The following CABLES1 variants were observed in gnomAD, a reference collection of about 807,000 sequenced individuals.
CABLES1 encodes the protein Cdk5 and Abl enzyme substrate 1, also known as CDK5 and ABL1 enzyme substrate 1.
In CABLES1, 36 loss-of-function variants were observed where a neutral mutation model predicts 57.8. The ratio of observed to expected loss-of-function variants is 0.62; its 90% CI spans 0.48 to 0.82. The LOEUF (loss-of-function observed/expected upper bound fraction) is 0.82, where lower values mean the gene tolerates loss of function less well. Ranked by LOEUF, CABLES1 falls within the 40% of genes least tolerant of loss-of-function variation. CABLES1 has a pLI of 0.00. For synonymous variants in CABLES1, 374 were observed against 363.0 expected, an observed-to-expected ratio of 1.03 and a Z score of -0.35; for missense variants, 767 against 836.6, an observed-to-expected ratio of 0.92 and a Z score of 1.03.
At chr18:23,174,749 G>A (rs1490232236) in intron 1 of CABLES1, among the ~76,000 whole-genome samples, 1 of 147,240 alleles carries the variant, frequency 6.8e-6, no homozygotes, top group Non-Finnish European at 1.5e-5. Flanking sequence ...TGGGATTACA[G>A]GTGTGAGCCC....
At chr18:23,173,226 C>G (rs2047096005) in intron 1 of CABLES1, among the ~76,000 whole-genome samples, 1 of 152,184 alleles carries the variant, frequency 6.6e-6, no homozygotes, top group Non-Finnish European at 1.5e-5. Context: ...CTGAGCGGGC[C>G]CTGCTCTGGG....
chr18:23,164,183 G>C (rs568872251), intron 1 of CABLES1, among the ~76,000 whole-genome samples: 1 of 152,282 alleles, frequency 6.6e-6, no homozygotes, highest in South Asian at 2.1e-4. Context: ...GTATCTAAAG[G>C]CTCTTTTATT....
Position 23,253,714 on chromosome 18 carries a change from C to A in CABLES1, c.1554-15C>A. ...GTTTTCACAAGACTGTTCCCTCTTGCCTGTCTTTCTCCAGTCTGAAACGAG... is the reference window on the plus strand; with the variant it reads ...GTTTTCACAAGACTGTTCCCTCTTGACTGTCTTTCTCCAGTCTGAAACGAG... On this transcript the variant is annotated splice_polypyrimidine_tract_variant and intron_variant, in intron 8 of 9. Transcript: ENST00000256925. The A allele has an allele frequency of 6.2e-7, 1 of 1,611,092 alleles. No homozygotes were observed. Among genetic ancestry groups the A allele is most frequent in the South Asian group, 1.1e-5 (1 of 90,906 alleles).
chr18:23,254,951 C>T (rs559811078), intron 9 of CABLES1, among the ~76,000 whole-genome samples: 8 of 152,228 alleles, frequency 5.3e-5, no homozygotes, highest in Admixed American at 3.9e-4. Context: ...TGGAATTGGT[C>T]GGGAGGCAGA....
intron 1 of CABLES1, among the ~76,000 whole-genome samples, chr18:23,183,105 G>A (rs534529201): frequency 1.8e-4 from 28 of 152,332 alleles, no homozygotes; most frequent in African/African-American, 5.8e-4. Flanking sequence ...CCCCTCATCA[G>A]TGTGGATGGT....
chr18:23,236,871 C>G (rs781345175), intron 6 of CABLES1, among the ~76,000 whole-genome samples: 8 of 152,142 alleles, frequency 5.3e-5, no homozygotes, highest in African/African-American at 1.9e-4. Flanking sequence ...GTTTTTTGCT[C>G]TCCTGGCCCA....
intron 1 of CABLES1, among the ~76,000 whole-genome samples, chr18:23,182,000 T>C (rs1465244262): frequency 1.3e-5 from 2 of 152,202 alleles, no homozygotes; most frequent in Non-Finnish European, 2.9e-5. Flanking sequence ...GAAGCAACTG[T>C]GCCATCCAGT....
At chr18:23,166,075 T>G (rs2047040329) in intron 1 of CABLES1, among the ~76,000 whole-genome samples, 1 of 152,184 alleles carries the variant, frequency 6.6e-6, no homozygotes, top group Non-Finnish European at 1.5e-5. Context: ...TTATTAATCT[T>G]TTATTGTTTC....
In CABLES1 at chr18:23,214,016, A is replaced by G. The variant is rs1477360567; in HGVS notation, c.1050A>G (p.Ile350Met). ...LISGRRSFCS[I>M]FSVLPYRDST... ...GTGGCAGAAGATCCTTCTGTAGTAT[A>G]TTTTCAGTGCTGCCGTATCGCGACA... Residue 350 changes from isoleucine (I) to methionine (M), a missense_variant, in exon 4 of 10, where the codon ATA (isoleucine) becomes ATG (methionine). Coordinates refer to ENST00000256925, the MANE Select transcript of CABLES1 (RefSeq NM_001100619.3). The G allele has an allele frequency of 3.1e-6, 5 of 1,612,960 alleles. No individual in the cohort carries two copies. The highest frequency in any genetic ancestry group is 4.2e-6 in the Non-Finnish European group (5 of 1,179,550).
chr18:23,192,873 C>T (rs868755582), intron 2 of CABLES1, among the ~76,000 whole-genome samples: 1 of 152,106 alleles, frequency 6.6e-6, no homozygotes, highest in Non-Finnish European at 1.5e-5. Context: ...GAGGCCCTAT[C>T]TCCTTGAACC....
chr18:23,141,856 CTTTT>C (rs776404529), intron 1 of CABLES1, among the ~76,000 whole-genome samples: 4 of 151,732 alleles, frequency 2.6e-5, no homozygotes, highest in African/African-American at 4.9e-5. Flanking sequence ...GATGCCTGGA[CTTTT>C]TTTCTCTCTT....
intron 1 of CABLES1, among the ~76,000 whole-genome samples, chr18:23,146,815 A>C (rs534524314): frequency 6.6e-6 from 1 of 152,322 alleles, no homozygotes; most frequent in South Asian, 2.1e-4. Context: ...GAGAGTTTTC[A>C]AAACAAAAAC....
At chr18:23,151,345 T>A (rs2144961796) in intron 1 of CABLES1, among the ~76,000 whole-genome samples, 1 of 152,300 alleles carries the variant, frequency 6.6e-6, no homozygotes, top group African/African-American at 2.4e-5. Context: ...AAGGTCCCGC[T>A]AACTGCCATG....
At chr18:23,164,912 C>T (rs2047031082) in intron 1 of CABLES1, among the ~76,000 whole-genome samples, 1 of 152,082 alleles carries the variant, frequency 6.6e-6, no homozygotes, top group South Asian at 2.1e-4. Flanking sequence ...GCTGGGATTA[C>T]AGGCTCATAC....
At chr18:23,154,817 C>T (rs1281065477) in intron 1 of CABLES1, among the ~76,000 whole-genome samples, 5 of 152,206 alleles carry the variant, frequency 3.3e-5, no homozygotes. Context: ...AATTTTGTGA[C>T]CTTCCTGAAC....
chr18:23,177,695 G>C (rs2047134707), intron 1 of CABLES1, among the ~76,000 whole-genome samples: 1 of 151,872 alleles, frequency 6.6e-6, no homozygotes, highest in Admixed American at 6.6e-5. Context: ...CTCTGGGAAG[G>C]TGCATGTAGG....
chr18:23,245,438 G>A (rs2047851510), intron 7 of CABLES1, among the ~76,000 whole-genome samples: 1 of 151,572 alleles, frequency 6.6e-6, no homozygotes, highest in African/African-American at 2.4e-5. Context: ...TTGAACCCGG[G>A]AGGCGGAAGT....
chr18:23,212,451 G>A (rs1396825800), intron 3 of CABLES1, among the ~76,000 whole-genome samples: 1 of 152,144 alleles, frequency 6.6e-6, no homozygotes, highest in East Asian at 1.9e-4. Context: ...GTGTTACTTT[G>A]GTCCCATCCC....
At chr18:23,220,292 A>G (rs2047477008) in intron 4 of CABLES1, among the ~76,000 whole-genome samples, 1 of 152,160 alleles carries the variant, frequency 6.6e-6, no homozygotes, top group African/African-American at 2.4e-5. Context: ...CATCCTGAAT[A>G]GTGCTTACAG....
Sources: allele counts gnomAD v4.1 joint callset (sites outside exome capture counted in the v4.1 genomes callset), GRCh38; gene constraint gnomAD v4.1.1; transcripts MANE v1.5; gene names NCBI Gene and HGNC (gene_info 2026-07-23, HGNC 2026-07-21).